Variants in ZNF610 observed in about 807,000 individuals in gnomAD.
ZNF610 encodes zink finger protein.
Under a neutral mutation model 14.1 loss-of-function variants are expected in ZNF610, and 14 were observed. The observed-to-expected ratio is 0.99, with a 90% CI of 0.65 to 1.55. The LOEUF (loss-of-function observed/expected upper bound fraction) is 1.55, where lower values mean the gene tolerates loss of function less well. Among genes scored for constraint, ZNF610 ranks in the 40% most tolerant of loss-of-function variants. ZNF610 has a pLI of 0.00. For synonymous variants in ZNF610, 185 were observed against 187.6 expected, an observed-to-expected ratio of 0.99 and a Z score of 0.11; for missense variants, 530 against 558.0, an observed-to-expected ratio of 0.95 and a Z score of 0.51.
At chr19:52,338,455 G>A (rs1385764292) in intron 1 of ZNF610, among the ~76,000 whole-genome samples, 4 of 152,174 alleles carry the variant, frequency 2.6e-5, no homozygotes, top group Non-Finnish European at 4.4e-5. Context: ...AAGCCAAGGT[G>A]GGCAGATCCA....
upstream of ZNF610, among the ~76,000 whole-genome samples, chr19:52,335,911 A>G (rs1005421292): frequency 4.6e-5 from 7 of 152,204 alleles, no homozygotes; most frequent in Non-Finnish European, 1.0e-4. Flanking sequence ...CACTACGCCC[A>G]GGCTGGAGTG....
intron 5 of ZNF610, among the ~76,000 whole-genome samples, chr19:52,354,791 T>C (rs2560888): frequency 0.027 from 4,103 of 151,494 alleles, 170 homozygotes; most frequent in African/African-American, 0.08. Context: ...GTTGGACAGG[T>C]GGGTCTCAAA....
At chr19:52,341,057 T>G (rs909705355) in intron 1 of ZNF610, among the ~76,000 whole-genome samples, 1 of 152,320 alleles carries the variant, frequency 6.6e-6, no homozygotes, top group Middle Eastern at 3.4e-3. Context: ...ACTCACTCAC[T>G]AAAGCCTTTT....
chr19:52,331,427 T>C (rs1017029011), upstream of ZNF610, among the ~76,000 whole-genome samples: 4 of 152,140 alleles, frequency 2.6e-5, no homozygotes, highest in African/African-American at 7.2e-5. Flanking sequence ...AAGGGGAGCC[T>C]AAAGACACAT....
upstream of ZNF610, among the ~76,000 whole-genome samples, chr19:52,333,637 A>G (rs557778214): frequency 6.6e-5 from 10 of 152,368 alleles, no homozygotes; most frequent in Admixed American, 5.2e-4. Context: ...GTAACCTCTG[A>G]AGGGAGAGAG....
At chr19:52,340,095 C>T (rs1393961172) in intron 1 of ZNF610, among the ~76,000 whole-genome samples, 3 of 152,188 alleles carry the variant, frequency 2.0e-5, no homozygotes, top group Non-Finnish European at 4.4e-5. Context: ...CAGCTGCGAG[C>T]GTGCCACAGA....
intron 5 of ZNF610, among the ~76,000 whole-genome samples, chr19:52,360,014 G>T (rs1985704975): frequency 6.6e-6 from 1 of 152,190 alleles, no homozygotes; most frequent in Non-Finnish European, 1.5e-5. Context: ...GGGGGAAGGG[G>T]TGTGGAGCTT....
In ZNF610 at chr19:52,365,819, A is replaced by G; in HGVS notation, c.441A>G (p.Arg147=). The G allele has an allele frequency of 6.2e-7, 1 of 1,614,200 alleles. No homozygotes were observed. Residue 147 remains arginine, a synonymous_variant, in exon 6 of 6, where the codon AGA becomes AGG. Coordinates refer to ENST00000403906, the MANE Select transcript of ZNF610 (RefSeq NM_001161425.2). ...QLFQAGRKIY[R]SNQVEKFTNH... ...TTCAAGCCGGAAGGAAAATTTACAGAAGTAATCAAGTTGAAAAGTTTACAA... is the reference window on the plus strand; with the variant it reads ...TTCAAGCCGGAAGGAAAATTTACAGGAGTAATCAAGTTGAAAAGTTTACAA...
intron 3 of ZNF610, among the ~76,000 whole-genome samples, chr19:52,349,811 C>T (rs1365939653): frequency 1.3e-5 from 2 of 152,208 alleles, no homozygotes; most frequent in Admixed American, 6.5e-5. Flanking sequence ...CCTCGTGATC[C>T]ACCTGCCTCG....
Position 52,367,097 on chromosome 19 carries a change from A to G in ZNF610, c.*330A>G, listed in dbSNP as rs967817108. On this transcript the variant is annotated 3_prime_UTR_variant, in exon 6 of 6. Transcript: ENST00000403906. ...GAATGTACATACTTCTCATGTTTTA[A>G]GTAATAAAGTTTAAAGTTTTTTTTT... The G allele has an allele frequency of 7.5e-6, 2 of 266,700 alleles. No individual in the cohort carries two copies. The highest frequency in any genetic ancestry group is 1.4e-5 in the Non-Finnish European group (2 of 146,366). 16.5% of individuals were successfully genotyped at this position (266,700 alleles called of 1,614,324 possible).
chr19:52,342,747 G>C (rs1984747723), intron 1 of ZNF610, among the ~76,000 whole-genome samples: 1 of 151,884 alleles, frequency 6.6e-6, no homozygotes, highest in Admixed American at 6.6e-5. Context: ...GGCTGGTCTT[G>C]AACTCCTGAC....
intron 5 of ZNF610, among the ~76,000 whole-genome samples, chr19:52,355,375 C>T (rs2122244041): frequency 6.6e-6 from 1 of 152,324 alleles, no homozygotes; most frequent in South Asian, 2.1e-4. Flanking sequence ...ACAGGTGCCT[C>T]CAGCCCCCTC....
Position 52,367,199 on chromosome 19 carries a change from C to G in ZNF610, c.*432C>G, listed in dbSNP as rs1185091113. 6.5e-6 allele frequency: 1 copy of G among 154,914 alleles called. No individual in the cohort carries two copies. The highest frequency in any genetic ancestry group is 1.4e-5 in the Non-Finnish European group (1 of 70,194). 9.6% of individuals were successfully genotyped at this position (154,914 alleles called of 1,614,324 possible). On this transcript the variant is annotated 3_prime_UTR_variant, in exon 6 of 6. Transcript: ENST00000403906. ...AGTGCAGTGGCATGATCTTGGCTCA[C>G]TGCAACCTCCGTCTCCCGGATTCAA... is the stretch of plus-strand genomic sequence containing the variant.
intron 5 of ZNF610, among the ~76,000 whole-genome samples, chr19:52,357,065 G>T (rs995671821): frequency 6.6e-6 from 1 of 152,078 alleles, no homozygotes; most frequent in African/African-American, 2.4e-5. Flanking sequence ...TTTCAGACAC[G>T]GGTCATAAGT....
intron 5 of ZNF610, among the ~76,000 whole-genome samples, chr19:52,362,012 C>T (rs903558712): frequency 1.4e-4 from 21 of 152,150 alleles, no homozygotes; most frequent in South Asian, 4.1e-4. Flanking sequence ...CCACAAACTC[C>T]GAGGCTAAGG....
chr19:52,350,271 C>T (rs778502958), intron 3 of ZNF610, among the ~76,000 whole-genome samples: 26 of 152,218 alleles, frequency 1.7e-4, no homozygotes, highest in African/African-American at 5.5e-4. Flanking sequence ...CCATCAAATA[C>T]GAAGCCTCCC....
At chr19:52,360,430 GGAC>G (rs1169177662) in intron 5 of ZNF610, among the ~76,000 whole-genome samples, 1 of 152,154 alleles carries the variant, frequency 6.6e-6, no homozygotes, top group Non-Finnish European at 1.5e-5. Context: ...GGACACCAAG[GGAC>G]AGCTATATTC....
rs141508221 is a variant in ZNF610 at position 52,349,216 on chromosome 19, C to T, written c.44C>T (p.Ser15Leu). Residue 15 changes from serine (S) to leucine (L), a missense_variant, in exon 3 of 6, where the codon TCA becomes TTA. Physicochemically the swap from Ser to Leu is moderately radical, Grantham distance 145. Transcript: ENST00000403906. ...EEAQKRKAKESGMALPQGRLT... is the reference protein window; with the variant it reads ...EEAQKRKAKELGMALPQGRLT... ...GCCCAGAAGAGGAAAGCAAAGGAGT[C>T]AGGGATGGCTCTTCCTCAGGTAAAG... The T allele has an allele frequency of 6.6e-5, 107 of 1,613,038 alleles. No homozygotes were observed. The African/African-American group carries it at 1.3e-3, about 20-fold the overall frequency.
intron 5 of ZNF610, among the ~76,000 whole-genome samples, chr19:52,356,042 GCC>G (rs968227534): frequency 5.9e-5 from 9 of 152,114 alleles, no homozygotes; most frequent in Non-Finnish European, 1.0e-4. Context: ...CTGGTAATCA[GCC>G]CCATCCAAGG....
Sources: gnomAD v4.1 joint callset for allele counts (sites outside exome capture counted in the v4.1 genomes callset) on GRCh38, gnomAD v4.1.1 for gene constraint, MANE v1.5 for transcripts, NCBI Gene and HGNC (gene_info 2026-07-23, HGNC 2026-07-21) for gene names.